Variants in RERG observed in about 807,000 individuals in gnomAD.
RERG encodes RAS like estrogen regulated growth inhibitor.
Under a neutral mutation model 23.2 loss-of-function variants are expected in RERG, and 25 were observed. That is an observed-to-expected ratio of 1.08 (90% CI 0.79 to 1.50). RERG has a LOEUF of 1.50. Among genes scored for constraint, RERG ranks in the 40% most tolerant of loss-of-function variants. The pLI is 0.00. For missense variants in RERG, 253 were observed against 250.1 expected (o/e 1.01, Z -0.08); for synonymous variants, 81 against 89.1 (o/e 0.91, Z 0.51).
chr12:15,150,309 C>G (rs1017106948), intron 2 of RERG, among the ~76,000 whole-genome samples: 4 of 152,082 alleles, frequency 2.6e-5, no homozygotes, highest in East Asian at 1.9e-4. Flanking sequence ...AATAGCTAAC[C>G]TATCAGAGCC....
intron 2 of RERG, among the ~76,000 whole-genome samples, chr12:15,138,364 A>G (rs1864179329): frequency 6.6e-6 from 1 of 151,984 alleles, no homozygotes; most frequent in Non-Finnish European, 1.5e-5. Context: ...ATTCTGTCCT[A>G]TATTTTTCAG....
At chr12:15,120,730 G>A (rs532661472) in intron 3 of RERG, among the ~76,000 whole-genome samples, 2 of 151,638 alleles carry the variant, frequency 1.3e-5, no homozygotes, top group Non-Finnish European at 2.9e-5. Context: ...ATTCTATTAC[G>A]CACCAAATTT....
intron 2 of RERG, among the ~76,000 whole-genome samples, chr12:15,157,188 A>G (rs1203404734): frequency 1.3e-5 from 2 of 152,250 alleles, no homozygotes; most frequent in African/African-American, 4.8e-5. Flanking sequence ...CAGTTCAAGA[A>G]GACAGGGGAA....
intron 2 of RERG, among the ~76,000 whole-genome samples, chr12:15,131,554 T>C (rs1330057446): frequency 6.6e-6 from 1 of 152,178 alleles, no homozygotes; most frequent in South Asian, 2.1e-4. Flanking sequence ...CCTACACTTA[T>C]GTTACTAGGG....
Position 15,217,466 on chromosome 12 carries a change from T to G in RERG, c.24A>C (p.Lys8Asn). 1 of 1,613,678 alleles carries G rather than the reference T, an allele frequency of 6.2e-7. No homozygotes were observed. The highest frequency in any genetic ancestry group is 8.5e-7 in the Non-Finnish European group (1 of 1,179,602). MAKSAEV[K>N]LAIFGRAGVG... ...CGCCTGCTCTCCCAAATATTGCCAG[T>G]TTGACCTCCGCACTTTTAGCCATGA... Residue 8 changes from lysine to asparagine, a missense_variant, in exon 2 of 5, where the codon AAA becomes AAC. Coordinates refer to ENST00000256953, the MANE Select transcript of RERG (RefSeq NM_032918.3).
intron 2 of RERG, among the ~76,000 whole-genome samples, chr12:15,184,110 G>A (rs908407213): frequency 6.6e-6 from 1 of 152,070 alleles, no homozygotes; most frequent in Admixed American, 6.6e-5. Flanking sequence ...TCAGATAAGG[G>A]AAGAAATCAA....
chr12:15,158,525 A>C (rs1864556363), intron 2 of RERG, among the ~76,000 whole-genome samples: 1 of 152,046 alleles, frequency 6.6e-6, no homozygotes, highest in Admixed American at 6.6e-5. Flanking sequence ...CAAGCGATCC[A>C]CCTACCTCGG....
At chr12:15,214,021 TGTGTGTGTGTGTGTGTGC>T (rs902673908) in intron 2 of RERG, among the ~76,000 whole-genome samples, 1 of 132,422 alleles carries the variant, frequency 7.6e-6, no homozygotes, top group African/African-American at 3.0e-5. Flanking sequence ...TGTGTGTGTG[TGTGTGTGTGTGTGTGTGC>T]GCGTGTGTGG....
At chr12:15,117,655 A>T (rs1863747762) in intron 3 of RERG, among the ~76,000 whole-genome samples, 1 of 145,782 alleles carries the variant, frequency 6.9e-6, no homozygotes, top group African/African-American at 2.6e-5. Flanking sequence ...TTCCTCTCCA[A>T]ATGCCTCCAT....
chr12:15,157,844 A>C (rs551255033), intron 2 of RERG, among the ~76,000 whole-genome samples: 1 of 151,758 alleles, frequency 6.6e-6, no homozygotes, highest in Non-Finnish European at 1.5e-5. Flanking sequence ...AGATTACATA[A>C]CTCTCATATT....
chr12:15,113,652 C>A (rs532577072), intron 3 of RERG, among the ~76,000 whole-genome samples: 15 of 151,712 alleles, frequency 9.9e-5, no homozygotes, highest in Non-Finnish European at 1.6e-4. Flanking sequence ...TAAAAATGAA[C>A]AAAACCATTC....
intron 2 of RERG, among the ~76,000 whole-genome samples, chr12:15,141,152 C>CTT (rs147094991): frequency 3.3e-4 from 45 of 138,240 alleles, no homozygotes; most frequent in Admixed American, 4.4e-4. Context: ...ATTGATGTGT[C>CTT]TTTTTTTTTT....
intron 2 of RERG, among the ~76,000 whole-genome samples, chr12:15,155,544 T>C (rs916723459): frequency 2.0e-5 from 3 of 152,090 alleles, no homozygotes; most frequent in Non-Finnish European, 4.4e-5. Context: ...TTCATTAAAA[T>C]TGAGTAAGAA....
intron 2 of RERG, among the ~76,000 whole-genome samples, chr12:15,201,160 T>G (rs1025868498): frequency 2.6e-5 from 4 of 151,920 alleles, no homozygotes; most frequent in Admixed American, 1.3e-4. Context: ...ATGGCTCAGG[T>G]TAAGTACTTT....
intron 2 of RERG, among the ~76,000 whole-genome samples, chr12:15,167,211 G>T (rs1864707871): frequency 6.6e-6 from 1 of 152,274 alleles, no homozygotes; most frequent in Middle Eastern, 3.4e-3. Flanking sequence ...CACTAGACTT[G>T]GCCTGGGTTG....
intron 2 of RERG, among the ~76,000 whole-genome samples, chr12:15,158,291 G>GT (rs934936504): frequency 5.6e-4 from 84 of 149,354 alleles, no homozygotes; most frequent in Non-Finnish European, 9.1e-4. Context: ...TTGTTTTTTT[G>GT]TTTTTTTTTA....
chr12:15,213,996 ATGTGTGTGTGTGTGTGTGTGTGTGTGTG>A (rs59427690), intron 2 of RERG, among the ~76,000 whole-genome samples: 2 of 130,964 alleles, frequency 1.5e-5, no homozygotes, highest in African/African-American at 5.6e-5. Flanking sequence ...CAGAGAAAGT[ATGTGTGTGTGTGTGTGTGTGTGTGTGTG>A]TGTGTGTGTG....
intron 2 of RERG, among the ~76,000 whole-genome samples, chr12:15,213,996 ATGTGTG>A (rs59427690): frequency 0.12 from 16,278 of 130,784 alleles, 1,060 homozygotes; most frequent in Middle Eastern, 0.18. Flanking sequence ...CAGAGAAAGT[ATGTGTG>A]TGTGTGTGTG....
intron 4 of RERG, 29 bp from the exon 5 acceptor site, chr12:15,109,546 A>G (rs1259043505): frequency 6.5e-7 from 1 of 1,539,938 alleles, no homozygotes; most frequent in Non-Finnish European, 8.8e-7. Flanking sequence ...GGCCGTCAAG[A>G]GACCTGGAAA....
Sources: gnomAD v4.1 joint callset for allele counts (sites outside exome capture counted in the v4.1 genomes callset) on GRCh38, gnomAD v4.1.1 for gene constraint, MANE v1.5 for transcripts, NCBI Gene and HGNC (gene_info 2026-07-23, HGNC 2026-07-21) for gene names.